Variants in PLOD2 observed in about 807,000 individuals in gnomAD.
PLOD2 encodes the protein procollagen-lysine,2-oxoglutarate 5-dioxygenase 2.
A neutral mutation model predicts 101.0 loss-of-function variants in PLOD2; 65 were observed. The ratio of observed to expected loss-of-function variants is 0.64; its 90% CI spans 0.53 to 0.79. The LOEUF (loss-of-function observed/expected upper bound fraction) is 0.79. PLOD2 is among the 30% of genes least tolerant of loss of function. PLOD2 has a pLI of 0.00. For synonymous variants in PLOD2, 314 were observed against 302.9 expected (o/e 1.04, Z -0.38); for missense variants, 909 against 914.6 (o/e 0.99, Z 0.08).
At chr3:146,147,497 T>C (rs1281985904) in intron 1 of PLOD2, among the ~76,000 whole-genome samples, 3 of 152,136 alleles carry the variant, frequency 2.0e-5, no homozygotes, top group Non-Finnish European at 4.4e-5. Flanking sequence ...TCAGCACTAT[T>C]GACATTTGGG....
chr3:146,121,983 T>C (rs1458201052), intron 2 of PLOD2, among the ~76,000 whole-genome samples: 1 of 152,142 alleles, frequency 6.6e-6, no homozygotes, highest in Non-Finnish European at 1.5e-5. Flanking sequence ...TTTCTCTTCA[T>C]TTCATCAAAA....
intron 2 of PLOD2, among the ~76,000 whole-genome samples, chr3:146,121,972 T>C (rs2030192874): frequency 6.6e-6 from 1 of 152,158 alleles, no homozygotes; most frequent in South Asian, 2.1e-4. Context: ...AACACACACC[T>C]TTTCTCTTCA....
intron 15 of PLOD2, 62 bp downstream of exon 15, chr3:146,076,720 C>A: frequency 2.4e-6 from 2 of 836,568 alleles, no homozygotes; most frequent in South Asian, 1.5e-5. Context: ...TATTATTAAC[C>A]AACTGATTTA....
At chr3:146,115,042 C>T (rs1043546946) in intron 3 of PLOD2, among the ~76,000 whole-genome samples, 9 of 152,188 alleles carry the variant, frequency 5.9e-5, no homozygotes, top group Non-Finnish European at 4.4e-5. Flanking sequence ...GCTGGTTTTG[C>T]GGCTTGGGGG....
intron 1 of PLOD2, among the ~76,000 whole-genome samples, chr3:146,145,645 T>C (rs935568094): frequency 6.6e-6 from 1 of 152,128 alleles, no homozygotes; most frequent in African/African-American, 2.4e-5. Context: ...AAACATAAAT[T>C]TACAATTAGA....
rs138985611 is a variant in PLOD2, at chr3:146,117,572, T to A, written c.338+3540A>T. On this transcript the variant is annotated intron_variant, in intron 3 of 19. Transcript: ENST00000282903. The stretch of plus-strand genomic sequence containing the variant: ...TGGTTACTTTCTCATGACCCCTAGG[T>A]TTTTTCCACAGGATAGTCATGGTAG... Among the ~76,000 whole-genome samples, 61 of 152,156 alleles carry A rather than the reference T, an allele frequency of 4.0e-4. No individual in the cohort carries two copies. The East Asian group carries it at 0.011, about 27-fold the overall frequency.
chr3:146,151,365 C>T (rs1326275329), intron 1 of PLOD2, among the ~76,000 whole-genome samples: 1 of 152,076 alleles, frequency 6.6e-6, no homozygotes, highest in African/African-American at 2.4e-5. Context: ...GGCATAGTAG[C>T]GCATGCCTGT....
intron 1 of PLOD2, among the ~76,000 whole-genome samples, chr3:146,130,582 CAT>C (rs1410604508): frequency 2.0e-5 from 3 of 152,122 alleles, no homozygotes; most frequent in Non-Finnish European, 2.9e-5. Context: ...CAAGTAATAT[CAT>C]ATGTCTTGCA....
At chr3:146,152,462 A>G (rs544359100) in intron 1 of PLOD2, among the ~76,000 whole-genome samples, 8 of 152,244 alleles carry the variant, frequency 5.3e-5, no homozygotes, top group African/African-American at 1.7e-4. Flanking sequence ...TAAGTGTCCA[A>G]TGGCTACAGT....
At chr3:146,135,195 T>A (rs774586231) in intron 1 of PLOD2, among the ~76,000 whole-genome samples, 1 of 152,182 alleles carries the variant, frequency 6.6e-6, no homozygotes, top group African/African-American at 2.4e-5. Flanking sequence ...GTCTTGAAAG[T>A]TTTATAGCAT....
chr3:146,095,295 G>GA (rs371538616), intron 7 of PLOD2, among the ~76,000 whole-genome samples: 10 of 147,170 alleles, frequency 6.8e-5, no homozygotes, highest in African/African-American at 2.0e-4. Flanking sequence ...TACAGAATGG[G>GA]AAAAAAATTT....
At chr3:146,159,629 T>C (rs556573433) in intron 1 of PLOD2, among the ~76,000 whole-genome samples, 3 of 152,366 alleles carry the variant, frequency 2.0e-5, no homozygotes, top group Non-Finnish European at 4.4e-5. Context: ...ACTTTCCAGA[T>C]ATTATGTTAG....
intron 1 of PLOD2, among the ~76,000 whole-genome samples, chr3:146,124,625 A>C (rs1233713847): frequency 6.6e-6 from 1 of 151,478 alleles, no homozygotes; most frequent in Non-Finnish European, 1.5e-5. Flanking sequence ...ACCAGTGAGG[A>C]GATCAGCAAA....
chr3:146,154,962 G>A (rs1396149442), intron 1 of PLOD2, among the ~76,000 whole-genome samples: 4 of 152,074 alleles, frequency 2.6e-5, no homozygotes, highest in African/African-American at 9.7e-5. Flanking sequence ...GTATAAAAAC[G>A]ATGTATCTTT....
chr3:146,104,625 A>C (rs949395049), intron 5 of PLOD2, among the ~76,000 whole-genome samples: 1 of 152,170 alleles, frequency 6.6e-6, no homozygotes, highest in African/African-American at 2.4e-5. Context: ...ATATACAGTA[A>C]ATTTATTAAA....
intron 11 of PLOD2, among the ~76,000 whole-genome samples, chr3:146,082,826 C>T (rs1936609928): frequency 6.6e-6 from 1 of 151,982 alleles, no homozygotes; most frequent in Non-Finnish European, 1.5e-5. Flanking sequence ...ACCCGGGAGG[C>T]GGAGGTTGCA....
At chr3:146,120,924 T>A (rs1168018188) in intron 3 of PLOD2, among the ~76,000 whole-genome samples, 188 bp downstream of exon 3, 1 of 152,126 alleles carries the variant, frequency 6.6e-6, no homozygotes, top group African/African-American at 2.4e-5. Context: ...GGTTTCACCA[T>A]CTTGGCCAGG....
chr3:146,131,002 T>G (rs2108109109), intron 1 of PLOD2, among the ~76,000 whole-genome samples: 1 of 152,188 alleles, frequency 6.6e-6, no homozygotes, highest in South Asian at 2.1e-4. Context: ...AACAATGCGG[T>G]TTATGCTGAA....
intron 1 of PLOD2, among the ~76,000 whole-genome samples, chr3:146,130,985 T>C (rs1302816262): frequency 6.6e-6 from 1 of 152,186 alleles, no homozygotes; most frequent in South Asian, 2.1e-4. Context: ...TGTGGCTAAA[T>C]TATACAAACA....
Sources: gnomAD v4.1 joint callset for allele counts (sites outside exome capture counted in the v4.1 genomes callset) on GRCh38, gnomAD v4.1.1 for gene constraint, MANE v1.5 for transcripts, NCBI Gene and HGNC (gene_info 2026-07-23, HGNC 2026-07-21) for gene names.